The following DARS2 variants were observed in gnomAD, a reference collection of about 807,000 sequenced individuals.
DARS2 encodes aspartate--tRNA ligase, mitochondrial.
DARS2 carries 63 observed loss-of-function variants against 83.0 expected under a neutral mutation model. That is an observed-to-expected ratio of 0.76 (90% CI 0.62 to 0.94). DARS2 has a LOEUF of 0.94. Among genes scored for constraint, DARS2 ranks in the 40% least tolerant of loss-of-function variants. The pLI is 0.00. For synonymous variants in DARS2, 250 were observed against 269.3 expected, an observed-to-expected ratio of 0.93 and a Z score of 0.70; for missense variants, 675 against 774.4, an observed-to-expected ratio of 0.87 and a Z score of 1.52.
intron 7 of DARS2, among the ~76,000 whole-genome samples, chr1:173,836,227 A>C (rs1020052047): frequency 2.4e-4 from 37 of 151,876 alleles, no homozygotes; most frequent in Admixed American, 2.2e-3. Flanking sequence ...CTCAAAAAGA[A>C]ATTTTTTTTA....
At chr1:173,845,879 C>T (rs914454522) in intron 12 of DARS2, among the ~76,000 whole-genome samples, 1 of 151,988 alleles carries the variant, frequency 6.6e-6, no homozygotes, top group South Asian at 2.1e-4. Context: ...AAAAATTGGC[C>T]GGGCGCGTTG....
At chr1:173,851,075 TA>T (rs1449756673) in intron 13 of DARS2, among the ~76,000 whole-genome samples, 1 of 151,814 alleles carries the variant, frequency 6.6e-6, no homozygotes. Flanking sequence ...TCATCTCTAC[TA>T]AAAATACAAA....
intron 14 of DARS2, 80 bp from the exon 15 acceptor site, chr1:173,853,715 T>A: frequency 6.6e-7 from 1 of 1,512,766 alleles, no homozygotes; most frequent in Non-Finnish European, 9.2e-7. Context: ...ACATTGTCTT[T>A]AAAAATCTAC....
chr1:173,830,163 A>G (rs892719672), intron 3 of DARS2, among the ~76,000 whole-genome samples: 6 of 152,222 alleles, frequency 3.9e-5, no homozygotes, highest in African/African-American at 1.4e-4. Context: ...TTTCTATTGC[A>G]ATTTTTACTA....
rs983864031 is a variant in DARS2 at position 173,824,975 on chromosome 1, G to A, written c.-255G>A. 9.9e-6 allele frequency: 4 copies of A among 404,096 alleles called. No homozygotes were observed. The highest frequency in any genetic ancestry group is 1.9e-5 in the Non-Finnish European group (4 of 213,564). The allele number at this position is 404,096 out of a possible 1,614,324, so 25.0% of individuals were successfully genotyped here. A position where few individuals can be genotyped will look rare whatever the true frequency, so the allele number is the denominator to read the frequency against. On this transcript the variant is annotated 5_prime_UTR_variant, in exon 1 of 17. Transcript: ENST00000649689. ...GGCTGCCGACTTGTTGAGTAGAAGT[G>A]CAGACTGATGCTTTAAGACTCAGGG...
At chr1:173,826,583 A>C in intron 1 of DARS2, 104 bp from the exon 2 acceptor site, 1 of 775,036 alleles carries the variant, frequency 1.3e-6, no homozygotes, top group Non-Finnish European at 2.1e-6. Flanking sequence ...TGTAGCCCTG[A>C]CATACCTAAG....
chr1:173,825,455 T>TTCCCCC (rs1652466167), intron 1 of DARS2, 99 bp downstream of exon 1: 1 of 135,562 alleles, frequency 7.4e-6, no homozygotes. Flanking sequence ...CCCCCATTAT[T>TTCCCCC]ATTATTATTA....
chr1:173,852,665 C>T (rs1448647352), intron 13 of DARS2, among the ~76,000 whole-genome samples: 11 of 152,110 alleles, frequency 7.2e-5, no homozygotes, highest in Admixed American at 2.6e-4. Context: ...CCACCACGCC[C>T]GGCTAATTTT....
At chr1:173,845,073 G>C (rs546475840) in intron 11 of DARS2, among the ~76,000 whole-genome samples, 156 bp from the exon 12 acceptor site, 1 of 152,126 alleles carries the variant, frequency 6.6e-6, no homozygotes, top group Non-Finnish European at 1.5e-5. Flanking sequence ...GGGATTACAG[G>C]CATGAGCCAC....
intron 14 of DARS2, 111 bp downstream of exon 14, chr1:173,853,678 A>T: frequency 6.6e-7 from 1 of 1,508,302 alleles, no homozygotes; most frequent in Non-Finnish European, 9.2e-7. Flanking sequence ...CCCCAGAAGA[A>T]ATTGTGGAGT....
At chr1:173,830,163 A>C (rs892719672) in intron 3 of DARS2, among the ~76,000 whole-genome samples, 1 of 152,222 alleles carries the variant, frequency 6.6e-6, no homozygotes, top group Non-Finnish European at 1.5e-5. Flanking sequence ...TTTCTATTGC[A>C]ATTTTTACTA....
At chr1:173,827,588 G>A (rs1052825694) in intron 2 of DARS2, among the ~76,000 whole-genome samples, 4 of 151,964 alleles carry the variant, frequency 2.6e-5, no homozygotes, top group East Asian at 3.9e-4. Flanking sequence ...CTGAGATTGC[G>A]CCACTGCACT....
At chr1:173,853,591 C>T in intron 14 of DARS2, 24 bp downstream of exon 14, 1 of 1,612,444 alleles carries the variant, frequency 6.2e-7, no homozygotes, top group Non-Finnish European at 8.5e-7. Context: ...ACTTCCAAAT[C>T]AAAAGGAAAT....
At chr1:173,845,171 C>T (rs756403979) in intron 11 of DARS2, 58 bp from the exon 12 acceptor site, 9 of 992,368 alleles carry the variant, frequency 9.1e-6, no homozygotes, top group Non-Finnish European at 1.3e-5. Flanking sequence ...ATCGCATAAC[C>T]ATGTTTATGA....
Position 173,825,045 on chromosome 1 carries a change from C to T in DARS2, c.-185C>T. 1 of 764,850 alleles carries T rather than the reference C, an allele frequency of 1.3e-6. No homozygotes were observed. Among genetic ancestry groups the T allele is most frequent in the Non-Finnish European group, 2.1e-6 (1 of 480,344 alleles). The allele number at this position is 764,850 out of a possible 1,614,324, so 47.4% of individuals were successfully genotyped here. A position where few individuals can be genotyped will look rare whatever the true frequency, so the allele number is the denominator to read the frequency against. On this transcript the variant is annotated 5_prime_UTR_variant, in exon 1 of 17. Transcript: ENST00000649689. ...CCACCCCAGCAAGCACCCCAGAGAC[C>T]TTGGAGATTTGTCTTGTTTCTAGAC...
At chr1:173,855,276 AT>A in intron 15 of DARS2, among the ~76,000 whole-genome samples, 1 of 151,974 alleles carries the variant, frequency 6.6e-6, no homozygotes, top group African/African-American at 2.4e-5. Flanking sequence ...GCTATTTTGT[AT>A]TTTTAGTAGA....
chr1:173,848,258 ATG>A (rs1452458197), intron 12 of DARS2, among the ~76,000 whole-genome samples: 1 of 152,178 alleles, frequency 6.6e-6, no homozygotes, highest in Non-Finnish European at 1.5e-5. Flanking sequence ...CTAAGAAAGC[ATG>A]TGAGAGATCA....
At chr1:173,826,556 AT>A in intron 1 of DARS2, 130 bp from the exon 2 acceptor site, 1 of 668,698 alleles carries the variant, frequency 1.5e-6, no homozygotes, top group South Asian at 1.8e-5. Context: ...GACTTATTTT[AT>A]TTTATAAATT....
At chr1:173,825,449 C>CATTATTATTATA (rs1652462014) in intron 1 of DARS2, 93 bp downstream of exon 1, 1 of 446,574 alleles carries the variant, frequency 2.2e-6, no homozygotes, top group East Asian at 7.5e-5. Context: ...TTTTTTCCCC[C>CATTATTATTATA]ATTATTATTA....
Sources: allele counts gnomAD v4.1 joint callset (sites outside exome capture counted in the v4.1 genomes callset), GRCh38; gene constraint gnomAD v4.1.1; transcripts MANE v1.5; gene names NCBI Gene and HGNC (gene_info 2026-07-23, HGNC 2026-07-21).